NOL4: variants seen among roughly 807,000 people sequenced by gnomAD.
NOL4 encodes the protein cancer/testis antigen 125.
A neutral mutation model predicts 75.9 loss-of-function variants in NOL4; 17 were observed. That is an observed-to-expected ratio of 0.22 (90% confidence interval 0.15 to 0.34). The LOEUF (loss-of-function observed/expected upper bound fraction) is 0.34. NOL4 is among the 10% of genes least tolerant of loss of function. The pLI is 1.00. For missense variants in NOL4, 614 were observed against 793.5 expected (o/e 0.77, Z 2.72); for synonymous variants, 292 against 289.9 (o/e 1.01, Z -0.07).
intron 5 of NOL4, among the ~76,000 whole-genome samples, chr18:34,054,989 C>A (rs1278422348): frequency 6.7e-6 from 1 of 148,954 alleles, no homozygotes; most frequent in Non-Finnish European, 1.5e-5. Context: ...TTATATATAA[C>A]ATATTAAACA....
chr18:34,104,451 T>C (rs1158287090), intron 3 of NOL4, among the ~76,000 whole-genome samples: 1 of 152,022 alleles, frequency 6.6e-6, no homozygotes, highest in Non-Finnish European at 1.5e-5. Flanking sequence ...TGTATTTTTC[T>C]TCTTTGCTTT....
chr18:34,008,599 T>C (rs1180897770), intron 6 of NOL4, among the ~76,000 whole-genome samples: 2 of 152,010 alleles, frequency 1.3e-5, no homozygotes, highest in African/African-American at 2.4e-5. Context: ...AGTTTGCACA[T>C]TGTGATTTGA....
chr18:34,217,089 A>G (rs1260542953), intron 1 of NOL4, among the ~76,000 whole-genome samples: 3 of 152,092 alleles, frequency 2.0e-5, no homozygotes. Context: ...CGGTGATTAT[A>G]TTTTGATGGG....
intron 1 of NOL4, among the ~76,000 whole-genome samples, chr18:34,186,223 C>T (rs1440196507): frequency 6.6e-6 from 1 of 152,088 alleles, no homozygotes; most frequent in East Asian, 1.9e-4. Flanking sequence ...CTCACTTCTA[C>T]CATATTGATT....
intron 6 of NOL4, among the ~76,000 whole-genome samples, chr18:33,983,947 C>T (rs952226820): frequency 6.6e-6 from 1 of 151,912 alleles, no homozygotes; most frequent in African/African-American, 2.4e-5. Context: ...GCCTAATTTA[C>T]AAAGTAATGT....
At chr18:33,947,245 T>C (rs770788712) in intron 8 of NOL4, among the ~76,000 whole-genome samples, 7 of 151,782 alleles carry the variant, frequency 4.6e-5, no homozygotes, top group South Asian at 4.1e-4. Flanking sequence ...CTGAGAATCA[T>C]CTCCTTCTGA....
rs144082295 is a variant in NOL4, at chr18:34,194,457, A to C, written c.264+28533T>G. ...GAAGGAAGGAAGGAAGGAAGGAAGG[A>C]AGGCAGGCAGGCAGGCAGGCAGGCA... is the stretch of plus-strand genomic sequence containing the variant. On this transcript the variant is annotated intron_variant, in intron 1 of 10. Coordinates refer to ENST00000261592, the MANE Select transcript of NOL4 (RefSeq NM_003787.5). Among the ~76,000 whole-genome samples, 562 of 146,312 alleles carry C rather than the reference A, an allele frequency of 3.8e-3. 4 individuals are homozygous for C. The highest frequency in any genetic ancestry group is 0.013 in the African/African-American group (504 of 39,348).
chr18:33,883,873 G>T (rs976146569), intron 9 of NOL4, among the ~76,000 whole-genome samples: 1 of 152,066 alleles, frequency 6.6e-6, no homozygotes, highest in Non-Finnish European at 1.5e-5. Context: ...AACAAATATT[G>T]TGTGATGCCA....
At chr18:33,920,852 T>C (rs1178287357) in intron 9 of NOL4, among the ~76,000 whole-genome samples, 1 of 152,116 alleles carries the variant, frequency 6.6e-6, no homozygotes, top group East Asian at 1.9e-4. Context: ...CAAGAATGAT[T>C]CCAAGGGCAA....
chr18:33,944,037 T>G (rs2068676050), intron 8 of NOL4, among the ~76,000 whole-genome samples: 1 of 151,926 alleles, frequency 6.6e-6, no homozygotes, highest in Non-Finnish European at 1.5e-5. Context: ...ATAGAAGTTT[T>G]TTTTAAATTA....
At chr18:33,992,201 G>A (rs190678916) in intron 6 of NOL4, among the ~76,000 whole-genome samples, 69 of 152,002 alleles carry the variant, frequency 4.5e-4, no homozygotes, top group Non-Finnish European at 5.0e-4. Context: ...ACATTCTAAC[G>A]TTTCAACCCT....
intron 10 of NOL4, among the ~76,000 whole-genome samples, chr18:33,873,996 G>A (rs1268199709): frequency 1.3e-5 from 2 of 151,902 alleles, no homozygotes; most frequent in Non-Finnish European, 2.9e-5. Context: ...ACAGGTAATA[G>A]TATGCACGGG....
chr18:33,909,330 GA>G (rs906927100), intron 9 of NOL4, among the ~76,000 whole-genome samples: 3 of 151,964 alleles, frequency 2.0e-5, no homozygotes, highest in African/African-American at 7.2e-5. Context: ...TGTTGTTTAT[GA>G]CTTTATCTAC....
intron 2 of NOL4, among the ~76,000 whole-genome samples, chr18:34,122,837 A>G (rs1410676664): frequency 6.6e-6 from 1 of 152,066 alleles, no homozygotes; most frequent in Non-Finnish European, 1.5e-5. Flanking sequence ...TTTTTACACT[A>G]TCAGAGTAGC....
intron 6 of NOL4, among the ~76,000 whole-genome samples, chr18:33,971,301 T>A (rs1175228814): frequency 6.6e-6 from 1 of 152,212 alleles, no homozygotes; most frequent in Admixed American, 6.5e-5. Context: ...TATATTGGGA[T>A]GATTAGCAGC....
At chr18:34,066,460 G>A (rs943642439) in intron 5 of NOL4, among the ~76,000 whole-genome samples, 1 of 151,822 alleles carries the variant, frequency 6.6e-6, no homozygotes, top group Non-Finnish European at 1.5e-5. Context: ...TTGCTATGAA[G>A]AGAAAATATT....
At chr18:33,895,787 T>C (rs1034060172) in intron 9 of NOL4, among the ~76,000 whole-genome samples, 1 of 152,112 alleles carries the variant, frequency 6.6e-6, no homozygotes, top group African/African-American at 2.4e-5. Context: ...TTCAACATAG[T>C]ATTGGAAGTC....
chr18:33,950,629 C>G, intron 8 of NOL4, among the ~76,000 whole-genome samples: 1 of 152,040 alleles, frequency 6.6e-6, no homozygotes, highest in East Asian at 1.9e-4. Context: ...TCTTGAAGAG[C>G]TAAGGCCCAT....
chr18:34,089,284 A>G (rs897129654), intron 5 of NOL4, among the ~76,000 whole-genome samples: 2 of 152,170 alleles, frequency 1.3e-5, no homozygotes, highest in African/African-American at 2.4e-5. Context: ...AAAAATTTTA[A>G]TTTAACTTAA....
Sources: gnomAD v4.1 joint callset for allele counts (sites outside exome capture counted in the v4.1 genomes callset) on GRCh38, gnomAD v4.1.1 for gene constraint, MANE v1.5 for transcripts, NCBI Gene and HGNC (gene_info 2026-07-23, HGNC 2026-07-21) for gene names.